The following CSMD3 variants were observed in gnomAD, a reference collection of about 807,000 sequenced individuals.
CSMD3 encodes CUB and Sushi multiple domains 3.
CSMD3 carries 177 observed loss-of-function variants against 435.2 expected under a neutral mutation model. The ratio of observed to expected loss-of-function variants is 0.41; its 90% CI spans 0.36 to 0.46. The LOEUF (loss-of-function observed/expected upper bound fraction) is 0.46, where lower values mean the gene tolerates loss of function less well. CSMD3 is among the 20% of genes least tolerant of loss of function. The pLI is 0.34. For missense variants in CSMD3, 4,265 were observed against 4,504.6 expected (o/e 0.95, Z 1.52); for synonymous variants, 1,656 against 1,520.5 (o/e 1.09, Z -2.07).
chr8:112,366,010 T>A (rs1244530880), intron 38 of CSMD3, among the ~76,000 whole-genome samples: 1 of 152,120 alleles, frequency 6.6e-6, no homozygotes, highest in Non-Finnish European at 1.5e-5. Context: ...ACAAGTAGGA[T>A]CAAGACCCTG....
intron 3 of CSMD3, among the ~76,000 whole-genome samples, chr8:113,214,020 A>G (rs774639491): frequency 2.0e-5 from 3 of 152,064 alleles, no homozygotes; most frequent in Non-Finnish European, 2.9e-5. Flanking sequence ...AACTGTGTAC[A>G]TAAGTTACTA....
At chr8:112,901,382 A>C (rs1392168369) in intron 10 of CSMD3, among the ~76,000 whole-genome samples, 1 of 151,252 alleles carries the variant, frequency 6.6e-6, no homozygotes, top group South Asian at 2.1e-4. Flanking sequence ...TTCACTGAAC[A>C]ATCTCCCATG....
intron 1 of CSMD3, among the ~76,000 whole-genome samples, chr8:113,384,831 C>T (rs2094432521): frequency 6.6e-6 from 1 of 152,090 alleles, no homozygotes; most frequent in Non-Finnish European, 1.5e-5. Flanking sequence ...CTTGTGGAAC[C>T]CAGTGGAAAG....
In CSMD3 at chr8:113,407,436, T is replaced by C. The variant is rs1034855101; in HGVS notation, c.178+29241A>G. 3.0e-4 allele frequency among the ~76,000 whole-genome samples: 45 copies of C among 152,170 alleles called. 1 individual carries two copies. Among genetic ancestry groups the C allele is most frequent in the Non-Finnish European group, 1.0e-4 (7 of 68,022 alleles). On this transcript the variant is annotated intron_variant, in intron 1 of 70. Transcript: ENST00000297405. The stretch of plus-strand genomic sequence containing the variant: ...AAATTGGTACCCATGATGAGGTACA[T>C]AATGTCTGGACATCTTTGCACTGCA...
At chr8:113,423,866 C>T (rs1191635794) in intron 1 of CSMD3, among the ~76,000 whole-genome samples, 1 of 151,712 alleles carries the variant, frequency 6.6e-6, no homozygotes, top group Non-Finnish European at 1.5e-5. Flanking sequence ...GTACTAATTT[C>T]ATTGAAATTA....
intron 38 of CSMD3, among the ~76,000 whole-genome samples, chr8:112,363,869 T>C (rs1234644748): frequency 1.3e-5 from 2 of 152,064 alleles, no homozygotes; most frequent in Non-Finnish European, 1.5e-5. Flanking sequence ...CAAATACTAA[T>C]AATTTAATTT....
At chr8:113,317,858 TA>T (rs952136179) in intron 1 of CSMD3, among the ~76,000 whole-genome samples, 1 of 152,118 alleles carries the variant, frequency 6.6e-6, no homozygotes, top group Non-Finnish European at 1.5e-5. Context: ...ATATCTATTT[TA>T]AAAAAATCAC....
intron 63 of CSMD3, 99 bp from the exon 64 acceptor site, chr8:112,247,230 G>A (rs906273163): frequency 3.6e-5 from 26 of 732,272 alleles, no homozygotes; most frequent in Non-Finnish European, 4.1e-5. Flanking sequence ...GTGAAATTCC[G>A]TATGGTAAAG....
rs2091022360 is a variant in CSMD3 at position 113,122,817 on chromosome 8, CA to C, written c.710-23855del. 2.0e-5 allele frequency among the ~76,000 whole-genome samples: 3 copies of C among 152,082 alleles called. No individual in the cohort carries two copies. In the South Asian group the frequency reaches 6.2e-4, roughly 31 times the overall value. On this transcript the variant is annotated intron_variant, in intron 4 of 70. Coordinates refer to ENST00000297405, the MANE Select transcript of CSMD3 (RefSeq NM_198123.2). ...AAGATAAGTTTTTGTTGTTTTAAGA[CA>C]CTGTATTTGTGGTAATTTGTTACAG...
intron 9 of CSMD3, among the ~76,000 whole-genome samples, chr8:112,925,808 G>A (rs1451770856): frequency 6.6e-6 from 1 of 152,214 alleles, no homozygotes; most frequent in Non-Finnish European, 1.5e-5. Context: ...TTGGCCACAT[G>A]GCCCATGGAT....
intron 13 of CSMD3, among the ~76,000 whole-genome samples, chr8:112,727,713 C>A (rs564498510): frequency 6.6e-6 from 1 of 151,714 alleles, no homozygotes; most frequent in Non-Finnish European, 1.5e-5. Flanking sequence ...TTACTGTGAT[C>A]TAGGATTGAT....
At chr8:112,956,599 A>G (rs1485552234) in intron 7 of CSMD3, among the ~76,000 whole-genome samples, 1 of 152,188 alleles carries the variant, frequency 6.6e-6, no homozygotes, top group Admixed American at 6.5e-5. Flanking sequence ...AAGAATAAAG[A>G]AAACTAAAGG....
rs73702251 is a variant in CSMD3 at position 112,894,378 on chromosome 8, T to G, written c.1633+27249A>C. Among the ~76,000 whole-genome samples, 765 of 151,408 alleles carry G rather than the reference T, an allele frequency of 5.1e-3. 6 individuals are homozygous for G. Among genetic ancestry groups the G allele is most frequent in the African/African-American group, 0.017 (688 of 41,416 alleles). ...CACAGGGTGAGCACTCTAAATTCCT[T>G]GAGACTGTGGCAATTAATAATTGCC... On this transcript the variant is annotated intron_variant, in intron 10 of 70. Coordinates refer to ENST00000297405, the MANE Select transcript of CSMD3 (RefSeq NM_198123.2).
intron 40 of CSMD3, among the ~76,000 whole-genome samples, chr8:112,348,868 C>A (rs1825899327): frequency 6.6e-6 from 1 of 151,994 alleles, no homozygotes; most frequent in Non-Finnish European, 1.5e-5. Context: ...TTTTATTTCT[C>A]TTTTGCCCTG....
intron 5 of CSMD3, among the ~76,000 whole-genome samples, chr8:113,039,896 T>C (rs1034661209): frequency 6.6e-6 from 1 of 152,214 alleles, no homozygotes; most frequent in African/African-American, 2.4e-5. Flanking sequence ...CTTACAAAAG[T>C]TAATTGAGCA....
intron 1 of CSMD3, among the ~76,000 whole-genome samples, chr8:113,352,824 T>C (rs1263358255): frequency 6.6e-6 from 1 of 152,158 alleles, no homozygotes; most frequent in Non-Finnish European, 1.5e-5. Flanking sequence ...TCACATCACA[T>C]AGGTCTTTGT....
intron 3 of CSMD3, among the ~76,000 whole-genome samples, chr8:113,218,190 A>G (rs2092927728): frequency 6.7e-6 from 1 of 150,016 alleles, no homozygotes; most frequent in African/African-American, 2.4e-5. Context: ...GTTTTTTGAC[A>G]TGAGGCACAA....
chr8:112,287,358 C>T lies in CSMD3; in HGVS notation c.9149-112G>A, dbSNP rs980755524. On this transcript the variant is annotated intron_variant, in intron 57 of 70. Transcript: ENST00000297405. ...TTTTTGTGCATGCGGTGTTTTAGCA[C>T]AGATGGAGTAAAATTGTAATTCATA... is the stretch of plus-strand genomic sequence containing the variant. 3 of 895,586 alleles carry T rather than the reference C, an allele frequency of 3.3e-6. No homozygotes were observed. In the East Asian group the frequency reaches 7.4e-5, roughly 22 times the overall value. The allele number at this position is 895,586 out of a possible 1,614,324, so 55.5% of individuals were successfully genotyped here. A position where few individuals can be genotyped will look rare whatever the true frequency, so the allele number is the denominator to read the frequency against.
chr8:112,311,156 A>G lies in CSMD3; in HGVS notation c.7707T>C (p.Cys2569=). ...CATGAGGTGGGGATTCTGGTGTACT[A>G]CAGTAGAAAGCTTTTCAAAAGAAAA... ...GFRIRYIAFY[C]STPESPPHGY... The change falls in exon 50 of 71, where the codon TGT becomes TGC. Residue 2569 remains cysteine, a synonymous_variant. Coordinates refer to ENST00000297405, the MANE Select transcript of CSMD3 (RefSeq NM_198123.2). The G allele has an allele frequency of 1.9e-6, 3 of 1,613,692 alleles. No individual in the cohort carries two copies. The highest frequency in any genetic ancestry group is 2.5e-6 in the Non-Finnish European group (3 of 1,179,648).
Sources: allele counts gnomAD v4.1 joint callset (sites outside exome capture counted in the v4.1 genomes callset), GRCh38; gene constraint gnomAD v4.1.1; transcripts MANE v1.5; gene names NCBI Gene and HGNC (gene_info 2026-07-23, HGNC 2026-07-21).